Variants in RAB28 observed in about 807,000 individuals in gnomAD.
The protein encoded by RAB28 is RAB28, member RAS oncogene family.
A neutral mutation model predicts 31.7 loss-of-function variants in RAB28; 24 were observed. The observed-to-expected ratio is 0.76, with a 90% CI of 0.55 to 1.06. RAB28 has a LOEUF of 1.06. Ranked by LOEUF, RAB28 falls within the 50% of genes least tolerant of loss-of-function variation. The probability of loss-of-function intolerance (pLI) is 0.00; values close to 1 mark genes in which losing one functional copy is unlikely to be tolerated. For missense variants in RAB28, 254 were observed against 258.5 expected, an observed-to-expected ratio of 0.98 and a Z score of 0.12; for synonymous variants, 100 against 90.4, an observed-to-expected ratio of 1.11 and a Z score of -0.60.
intron 6 of RAB28, chr4:13,370,170 G>C: frequency 2.0e-6 from 2 of 981,012 alleles, no homozygotes; most frequent in Non-Finnish European, 2.4e-6. Flanking sequence ...GAAAAGGAAA[G>C]GAACAAAGAC....
intron 4 of RAB28, among the ~76,000 whole-genome samples, chr4:13,399,251 C>G (rs73819823): frequency 0.056 from 8,525 of 152,216 alleles, 547 homozygotes; most frequent in African/African-American, 0.16. Flanking sequence ...ATTGTTTCAT[C>G]CATGTCATCC....
intron 4 of RAB28, among the ~76,000 whole-genome samples, chr4:13,435,463 C>T (rs1714046407): frequency 6.6e-6 from 1 of 151,836 alleles, no homozygotes; most frequent in Middle Eastern, 3.4e-3. Flanking sequence ...AAAAAATAAA[C>T]AAGACTGATA....
At chr4:13,406,564 G>T (rs1054687358) in intron 4 of RAB28, among the ~76,000 whole-genome samples, 1 of 152,138 alleles carries the variant, frequency 6.6e-6, no homozygotes, top group South Asian at 2.1e-4. Context: ...CTAGACCATT[G>T]AGGAATCGCC....
At chr4:13,422,449 C>G (rs376725091) in intron 4 of RAB28, among the ~76,000 whole-genome samples, 1 of 152,168 alleles carries the variant, frequency 6.6e-6, no homozygotes, top group African/African-American at 2.4e-5. Context: ...ACATGCACAC[C>G]TATGTTTATT....
chr4:13,442,810 T>G lies in RAB28; in HGVS notation c.391+17889A>C, dbSNP rs1234164022. ...TAATTTCCTTATGAGGTAGGTGCTA[T>G]TATTAGTCCCACTTTACAGATGACA... On this transcript the variant is annotated intron_variant, in intron 4 of 6. Transcript: ENST00000330852. Among the ~76,000 whole-genome samples the G allele has an allele frequency of 3.3e-5, 5 of 152,112 alleles. No homozygotes were observed. The East Asian group carries it at 9.7e-4, about 29-fold the overall frequency.
chr4:13,447,056 CAACT>C (rs1013785663), intron 4 of RAB28, among the ~76,000 whole-genome samples: 8 of 152,140 alleles, frequency 5.3e-5, no homozygotes, highest in Non-Finnish European at 7.4e-5. Flanking sequence ...ACTCCACAAC[CAACT>C]GTGAGAGAAT....
intron 4 of RAB28, among the ~76,000 whole-genome samples, chr4:13,414,508 T>C (rs1405390114): frequency 6.6e-6 from 1 of 152,252 alleles, no homozygotes; most frequent in Non-Finnish European, 1.5e-5. Context: ...GATGATTTTA[T>C]AAATAAGTTA....
In RAB28 at chr4:13,444,361, C is replaced by T. The variant is rs543948504; in HGVS notation, c.391+16338G>A. 6.6e-5 allele frequency among the ~76,000 whole-genome samples: 10 copies of T among 151,942 alleles called. No individual in the cohort carries two copies. The South Asian group carries it at 1.7e-3, about 25-fold the overall frequency. On this transcript the variant is annotated intron_variant, in intron 4 of 6. Transcript: ENST00000330852. Reference sequence around the variant, plus strand: ...TTCTTTTTTAAGGCTGAATAGTATTCGTGTGCGTGTGTGTATACAAATATA... The same window carrying T: ...TTCTTTTTTAAGGCTGAATAGTATTTGTGTGCGTGTGTGTATACAAATATA...
At chr4:13,458,874 A>G (rs908264392) in intron 4 of RAB28, among the ~76,000 whole-genome samples, 2 of 152,178 alleles carry the variant, frequency 1.3e-5, no homozygotes, top group Non-Finnish European at 2.9e-5. Context: ...AATACACTCT[A>G]TGTGATGGTA....
chr4:13,422,258 G>A (rs1018088915), intron 4 of RAB28, among the ~76,000 whole-genome samples: 2 of 152,190 alleles, frequency 1.3e-5, no homozygotes, highest in African/African-American at 2.4e-5. Flanking sequence ...ACAGATGCTG[G>A]AGAGGACGTG....
Position 13,474,425 on chromosome 4 carries a change from A to G in RAB28, c.173-19T>C, listed in dbSNP as rs1316217050. 1.4e-6 allele frequency: 2 copies of G among 1,441,932 alleles called. No individual in the cohort carries two copies. Among genetic ancestry groups the G allele is most frequent in the African/African-American group, 2.9e-5 (2 of 70,162 alleles). The allele number at this position is 1,441,932 out of a possible 1,614,324, so 89.3% of individuals were successfully genotyped here. ...AAGTTTCCTAGAATATAAAAAATGA[A>G]TATAAAAATAAGAATACCAAAAAAA... On this transcript the variant is annotated intron_variant, in intron 2 of 6. Coordinates refer to ENST00000330852, the MANE Select transcript of RAB28 (RefSeq NM_001017979.3).
intron 2 of RAB28, among the ~76,000 whole-genome samples, chr4:13,478,885 C>T (rs1716484379): frequency 6.6e-6 from 1 of 151,586 alleles, no homozygotes; most frequent in South Asian, 2.1e-4. Context: ...AATGCTCAAA[C>T]TGTATTTTTA....
chr4:13,372,167 ATC>A (rs1252515474), intron 6 of RAB28, among the ~76,000 whole-genome samples: 1 of 152,116 alleles, frequency 6.6e-6, no homozygotes. Context: ...ATAATGCATA[ATC>A]TCTGTTTTTT....
At chr4:13,415,429 C>T (rs1366041231) in intron 4 of RAB28, among the ~76,000 whole-genome samples, 1 of 152,076 alleles carries the variant, frequency 6.6e-6, no homozygotes. Flanking sequence ...CGGGGCTGCG[C>T]GGTGCTTGCA....
intron 4 of RAB28, among the ~76,000 whole-genome samples, chr4:13,413,703 T>C (rs559607198): frequency 6.6e-6 from 1 of 152,198 alleles, no homozygotes; most frequent in Non-Finnish European, 1.5e-5. Flanking sequence ...ATAGTTTTTT[T>C]ATAAATTAGG....
intron 4 of RAB28, among the ~76,000 whole-genome samples, chr4:13,408,458 T>A (rs1436155126): frequency 1.3e-5 from 2 of 152,200 alleles, no homozygotes; most frequent in Non-Finnish European, 2.9e-5. Flanking sequence ...ATCAGGGATA[T>A]TGGCTTGAAA....
intron 4 of RAB28, among the ~76,000 whole-genome samples, chr4:13,411,165 A>G (rs1264002364): frequency 6.6e-6 from 1 of 152,182 alleles, no homozygotes; most frequent in African/African-American, 2.4e-5. Flanking sequence ...AAATACCAAA[A>G]CACAACAGAA....
At chr4:13,382,980 G>A (rs746781995) in intron 4 of RAB28, among the ~76,000 whole-genome samples, 7 of 152,010 alleles carry the variant, frequency 4.6e-5, no homozygotes, top group Non-Finnish European at 8.8e-5. Context: ...AATTACGGGC[G>A]TGAGCCACAG....
At chr4:13,464,523 C>T (rs1715749102) in intron 3 of RAB28, among the ~76,000 whole-genome samples, 2 of 151,970 alleles carry the variant, frequency 1.3e-5, no homozygotes, top group Admixed American at 6.6e-5. Flanking sequence ...ATATAGTATG[C>T]TTCTCCTCCC....
Sources: allele counts gnomAD v4.1 joint callset (sites outside exome capture counted in the v4.1 genomes callset), GRCh38; gene constraint gnomAD v4.1.1; transcripts MANE v1.5; gene names NCBI Gene and HGNC (gene_info 2026-07-23, HGNC 2026-07-21).